RPL23: variants seen among roughly 807,000 people sequenced by gnomAD.
The protein encoded by RPL23 is ribosomal protein L23.
For synonymous variants in RPL23, 63 were observed against 65.3 expected, an observed-to-expected ratio of 0.97 and a Z score of 0.17; for missense variants, 79 against 178.8, an observed-to-expected ratio of 0.44 and a Z score of 3.18.
chr17:38,852,843 G>A, intron 2 of RPL23, 111 bp from the exon 3 acceptor site: 1 of 1,517,702 alleles, frequency 6.6e-7, no homozygotes, highest in African/African-American at 1.4e-5. Context: ...CACTGCCCAA[G>A]CAGTTAGTCC....
rs1265911690 is a variant in RPL23 at position 38,848,062 on chromosome 17, C to A, written c.*2070G>T. ...AGCCTGTGTGACAGAGCAAGACTGCCTCAGAAAAGATAACATTCAAAAACA... is the reference window on the plus strand; with the variant it reads ...AGCCTGTGTGACAGAGCAAGACTGCATCAGAAAAGATAACATTCAAAAACA... On this transcript the variant is annotated 3_prime_UTR_variant, in exon 5 of 5. Transcript: ENST00000479035. The A allele has an allele frequency of 6.5e-7, 1 of 1,534,686 alleles. No homozygotes were observed. Among genetic ancestry groups the A allele is most frequent in the African/African-American group, 1.4e-5 (1 of 72,140 alleles).
chr17:38,853,416 G>C (rs1468880848), intron 1 of RPL23: 2 of 714,820 alleles, frequency 2.8e-6, no homozygotes, highest in South Asian at 3.0e-5. Context: ...GCGCAAACCA[G>C]GGCCTAATCC....
Position 38,847,988 on chromosome 17 carries a change from G to C in RPL23, c.*2144C>G, listed in dbSNP as rs761806594. 20 of 1,550,090 alleles carry C rather than the reference G, an allele frequency of 1.3e-5. No homozygotes were observed. The South Asian group carries it at 2.0e-4, about 16-fold the overall frequency. ...GAAGGCCACAGCAGGAGGATTCCAA[G>C]TCCAGCAGTTCAAAGTTACAGTGAG... On this transcript the variant is annotated 3_prime_UTR_variant, in exon 5 of 5. Coordinates refer to ENST00000479035, the MANE Select transcript of RPL23 (RefSeq NM_000978.4).
intron 3 of RPL23, chr17:38,852,383 A>G: frequency 1.8e-6 from 1 of 565,090 alleles, no homozygotes; most frequent in Non-Finnish European, 3.0e-6. Context: ...AAACAAAACA[A>G]AACAAAACAA....
At chr17:38,852,443 C>T (rs1913030129) in intron 3 of RPL23, 161 bp downstream of exon 3, 3 of 770,838 alleles carry the variant, frequency 3.9e-6, no homozygotes, top group South Asian at 3.8e-5. Flanking sequence ...AGATGATGGT[C>T]CCCCCTCCAA....
Position 38,849,840 on chromosome 17 carries a change from T to G in RPL23, c.*292A>C. 3.8e-6 allele frequency: 1 copy of G among 261,564 alleles called. No individual in the cohort carries two copies. Among genetic ancestry groups the G allele is most frequent in the Non-Finnish European group, 7.1e-6 (1 of 140,896 alleles). 16.2% of individuals were successfully genotyped at this position (261,564 alleles called of 1,614,324 possible). A position where few individuals can be genotyped will look rare whatever the true frequency, so the allele number is the denominator to read the frequency against. ...AAAAAAAAATGCCCAGAGTTTCCAT[T>G]TCAGAAAAGTGATGGTCAGGGTATG... On this transcript the variant is annotated 3_prime_UTR_variant, in exon 5 of 5. Transcript: ENST00000479035.
rs961174138 is a variant in RPL23 at position 38,852,756 on chromosome 17, T to C, written c.98-24A>G. On this transcript the variant is annotated intron_variant, in intron 2 of 4. Coordinates refer to ENST00000479035, the MANE Select transcript of RPL23 (RefSeq NM_000978.4). The stretch of plus-strand genomic sequence containing the variant: ...TCCTACAAAAGAATGTAAATAAAAA[T>C]AAAAAATGTTGAGGGCCATCAGGCC... 6 of 1,613,642 alleles carry C rather than the reference T, an allele frequency of 3.7e-6. No individual in the cohort carries two copies. The African/African-American group carries it at 8.0e-5, about 22-fold the overall frequency.
At chr17:38,853,310 C>T (rs74889814) in intron 1 of RPL23, 22,560 of 655,946 alleles carry the variant, frequency 0.034, 555 homozygotes, top group Non-Finnish European at 0.045. Flanking sequence ...ACTATTAACA[C>T]TCTGACATCG....
At chr17:38,852,817 A>G in intron 2 of RPL23, 85 bp from the exon 3 acceptor site, 1 of 1,593,150 alleles carries the variant, frequency 6.3e-7, no homozygotes, top group Non-Finnish European at 8.6e-7. Flanking sequence ...ACACTTCCAA[A>G]GCCCCTCCCT....
chr17:38,853,678 C>G lies in RPL23; in HGVS notation c.13+20G>C, dbSNP rs1472085286. The stretch of plus-strand genomic sequence containing the variant: ...ACTGCACGACAGATGGTGGAGGATC[C>G]TCCAGAAACAAAACCTCACCTCGCT... On this transcript the variant is annotated intron_variant, in intron 1 of 4. Transcript: ENST00000479035. The G allele has an allele frequency of 6.2e-7, 1 of 1,614,150 alleles. No individual in the cohort carries two copies. The highest frequency in any genetic ancestry group is 8.5e-7 in the Non-Finnish European group (1 of 1,180,006).
chr17:38,852,554 G>A, intron 3 of RPL23, 50 bp downstream of exon 3: 1 of 1,590,512 alleles, frequency 6.3e-7, no homozygotes, highest in Non-Finnish European at 8.6e-7. Flanking sequence ...ATAAAGGAAA[G>A]CGTCCCCCCA....
In RPL23 at chr17:38,848,068, AAAGAT is replaced by A. The variant is rs1228756414; in HGVS notation, c.*2059_*2063del. On this transcript the variant is annotated 3_prime_UTR_variant, in exon 5 of 5. Coordinates refer to ENST00000479035, the MANE Select transcript of RPL23 (RefSeq NM_000978.4). Reference sequence around the variant, plus strand: ...TGTGACAGAGCAAGACTGCCTCAGAAAAGATAACATTCAAAAACAGCAGCGATTAG... The same window carrying A: ...TGTGACAGAGCAAGACTGCCTCAGAAAACATTCAAAAACAGCAGCGATTAG... 19 of 1,534,700 alleles carry A rather than the reference AAAGAT, an allele frequency of 1.2e-5. No individual in the cohort carries two copies. The African/African-American group carries it at 2.2e-4, about 18-fold the overall frequency.
At chr17:38,850,701 G>C in intron 3 of RPL23, 2 of 436,620 alleles carry the variant, frequency 4.6e-6, no homozygotes, top group East Asian at 4.1e-5. Context: ...ACAGGGTTTT[G>C]CCATGTTGGC....
At position 38,848,163 on chromosome 17, in the gene RPL23, C is replaced by A; in HGVS notation, c.*1969G>T. 1 of 1,249,984 alleles carries A rather than the reference C, an allele frequency of 8.0e-7. No homozygotes were observed. The highest frequency in any genetic ancestry group is 1.0e-6 in the Non-Finnish European group (1 of 966,046). 77.4% of individuals were successfully genotyped at this position (1,249,984 alleles called of 1,614,324 possible). On this transcript the variant is annotated 3_prime_UTR_variant, in exon 5 of 5. Coordinates refer to ENST00000479035, the MANE Select transcript of RPL23 (RefSeq NM_000978.4). ...AAGACATAAATGGTGGGCCTAGGGG[C>A]TTGTCACACTAAAGCTGACTTGAAA...
At chr17:38,850,665 C>T in intron 3 of RPL23, 190 bp from the exon 4 acceptor site, 1 of 476,340 alleles carries the variant, frequency 2.1e-6, no homozygotes, top group Non-Finnish European at 3.6e-6. Flanking sequence ...CTACCATGCC[C>T]AGATTTTTTT....
In RPL23 at chr17:38,848,154, G is replaced by C. The variant is rs1402617239; in HGVS notation, c.*1978C>G. 8 of 1,314,424 alleles carry C rather than the reference G, an allele frequency of 6.1e-6. No individual in the cohort carries two copies. The highest frequency in any genetic ancestry group is 1.5e-5 in the African/African-American group (1 of 66,270). 81.4% of individuals were successfully genotyped at this position (1,314,424 alleles called of 1,614,324 possible). ...TAATATATAAAGACATAAATGGTGG[G>C]CCTAGGGGCTTGTCACACTAAAGCT... On this transcript the variant is annotated 3_prime_UTR_variant, in exon 5 of 5. Coordinates refer to ENST00000479035, the MANE Select transcript of RPL23 (RefSeq NM_000978.4).
Position 38,848,314 on chromosome 17 carries a change from C to T in RPL23, c.*1818G>A, listed in dbSNP as rs962047103. On this transcript the variant is annotated 3_prime_UTR_variant, in exon 5 of 5. Coordinates refer to ENST00000479035, the MANE Select transcript of RPL23 (RefSeq NM_000978.4). ...AGCACAATCGTGCGACCTCAGCTCA[C>T]TGCAACCTCCATCTCCGGGGTTCAA... 5 of 267,916 alleles carry T rather than the reference C, an allele frequency of 1.9e-5. No individual in the cohort carries two copies. The highest frequency in any genetic ancestry group is 6.9e-6 in the Non-Finnish European group (1 of 144,806). 16.6% of individuals were successfully genotyped at this position (267,916 alleles called of 1,614,324 possible).
chr17:38,852,356 A>G (rs1913026048), intron 3 of RPL23: 2 of 474,188 alleles, frequency 4.2e-6, no homozygotes, highest in African/African-American at 3.9e-5. Flanking sequence ...GGCGACAGAG[A>G]GAGACTCCAT....
Position 38,850,001 on chromosome 17 carries a change from C to T in RPL23, c.*131G>A, listed in dbSNP as rs1912955291. 2 of 637,432 alleles carry T rather than the reference C, an allele frequency of 3.1e-6. No individual in the cohort carries two copies. The highest frequency in any genetic ancestry group is 6.0e-5 in the East Asian group (2 of 33,076). The allele number at this position is 637,432 out of a possible 1,614,324, so 39.5% of individuals were successfully genotyped here. A position where few individuals can be genotyped will look rare whatever the true frequency, so the allele number is the denominator to read the frequency against. The stretch of plus-strand genomic sequence containing the variant: ...GGCATGACGGCAGGTGCCTGTAATC[C>T]CAGCTACTTAGGAGGCTGAGGCAGG... On this transcript the variant is annotated 3_prime_UTR_variant, in exon 5 of 5. Transcript: ENST00000479035.
Sources: gnomAD v4.1 joint callset for allele counts on GRCh38, gnomAD v4.1.1 for gene constraint, MANE v1.5 for transcripts, NCBI Gene and HGNC (gene_info 2026-07-23, HGNC 2026-07-21) for gene names.